SLC45A4: variants seen among roughly 807,000 people sequenced by gnomAD.
The protein encoded by SLC45A4 is solute carrier family 45 member 4.
In SLC45A4, 32 loss-of-function variants were observed where a neutral mutation model predicts 63.7. That is an observed-to-expected ratio of 0.50 (90% CI 0.38 to 0.67). The LOEUF is 0.67. Among genes scored for constraint, SLC45A4 ranks in the 30% least tolerant of loss-of-function variants. The pLI is 0.00. For missense variants in SLC45A4, 1,027 were observed against 1,157.7 expected, an observed-to-expected ratio of 0.89 and a Z score of 1.64; for synonymous variants, 535 against 510.0, an observed-to-expected ratio of 1.05 and a Z score of -0.66.
chr8:141,257,536 G>A (rs553187144), intron 1 of SLC45A4, among the ~76,000 whole-genome samples: 18 of 152,326 alleles, frequency 1.2e-4, no homozygotes, highest in Admixed American at 9.8e-4. Flanking sequence ...CCATTACAGT[G>A]TCCTCGGAGA....
chr8:141,245,178 C>T (rs1828125477), intron 2 of SLC45A4, among the ~76,000 whole-genome samples: 2 of 152,152 alleles, frequency 1.3e-5, no homozygotes, highest in South Asian at 4.1e-4. Flanking sequence ...TCATATGTGT[C>T]AACTCTGCAC....
chr8:141,223,674 C>T (rs1264256076), intron 2 of SLC45A4, among the ~76,000 whole-genome samples: 2 of 152,212 alleles, frequency 1.3e-5, no homozygotes, highest in Non-Finnish European at 2.9e-5. Flanking sequence ...TGTCCCTTTT[C>T]AAACTCCTTG....
Position 141,254,544 on chromosome 8 carries a change from T to C in SLC45A4, c.-315A>G. The C allele has an allele frequency of 1.4e-6, 1 of 702,578 alleles. No individual in the cohort carries two copies. Among genetic ancestry groups the C allele is most frequent in the Non-Finnish European group, 2.6e-6 (1 of 384,990 alleles). 43.5% of individuals were successfully genotyped at this position (702,578 alleles called of 1,614,324 possible). On this transcript the variant is annotated 5_prime_UTR_variant, in exon 2 of 9. Coordinates refer to ENST00000517878, the MANE Select transcript of SLC45A4 (RefSeq NM_001286646.2). The surrounding 1 kb of genome is among the most constrained non-coding windows in gnomAD (Gnocchi z 4.5). ...TTCATCATTATTACTGAAGAGGTGCTGAAGTGATTTTTCTTGCTACAGAGA... is the reference window on the plus strand; with the variant it reads ...TTCATCATTATTACTGAAGAGGTGCCGAAGTGATTTTTCTTGCTACAGAGA...
intron 2 of SLC45A4, chr8:141,224,896 T>A (rs1569558161): frequency 6.6e-6 from 1 of 152,280 alleles, no homozygotes; most frequent in East Asian, 1.9e-4. Context: ...ATCATTTCTG[T>A]TGACATATCA....
At chr8:141,291,000 C>A (rs1473739805) in intron 1 of SLC45A4, among the ~76,000 whole-genome samples, 1 of 152,176 alleles carries the variant, frequency 6.6e-6, no homozygotes, top group Non-Finnish European at 1.5e-5. Flanking sequence ...AGGTGCCTGC[C>A]ACCATGCCGG....
At chr8:141,246,711 A>G (rs1046211530) in intron 2 of SLC45A4, among the ~76,000 whole-genome samples, 2 of 116,286 alleles carry the variant, frequency 1.7e-5, no homozygotes, top group Admixed American at 1.8e-4. Flanking sequence ...CTCCTCCCTG[A>G]CCCCTCTGTG....
Position 141,215,645 on chromosome 8 carries a change from G to C in SLC45A4, c.1941+114C>G, listed in dbSNP as rs1826097045. The C allele has an allele frequency of 9.4e-7, 1 of 1,060,768 alleles. No homozygotes were observed. Among genetic ancestry groups the C allele is most frequent in the South Asian group, 1.4e-5 (1 of 71,106 alleles). The allele number at this position is 1,060,768 out of a possible 1,614,324, so 65.7% of individuals were successfully genotyped here. A position where few individuals can be genotyped will look rare whatever the true frequency, so the allele number is the denominator to read the frequency against. The stretch of plus-strand genomic sequence containing the variant: ...GGGCCATCTCAGAACCGGAGAGGAA[G>C]GAGGGCCATCTGTGTCGTGAACGTC... On this transcript the variant is annotated intron_variant, in intron 7 of 8. Transcript: ENST00000517878. The surrounding 1 kb of genome is among the most constrained non-coding windows in gnomAD (Gnocchi z 4.3).
At chr8:141,231,977 CA>C (rs1442429192) in intron 2 of SLC45A4, among the ~76,000 whole-genome samples, 1 of 152,256 alleles carries the variant, frequency 6.6e-6, no homozygotes, top group African/African-American at 2.4e-5. Context: ...GGCTCCAGGT[CA>C]CGTAGCACTG....
At chr8:141,217,987 C>T in intron 5 of SLC45A4, 24 bp downstream of exon 5, 2 of 248,622 alleles carry the variant, frequency 8.0e-6, no homozygotes, top group Non-Finnish European at 1.0e-5. Context: ...GAGAGCGGCC[C>T]CGCTCCGGTG....
intron 4 of SLC45A4, among the ~76,000 whole-genome samples, chr8:141,219,415 C>G (rs1826437246): frequency 6.6e-6 from 1 of 152,166 alleles, no homozygotes; most frequent in Non-Finnish European, 1.5e-5. Flanking sequence ...GCATGTCACC[C>G]TCTGCAGGCC....
intron 1 of SLC45A4, among the ~76,000 whole-genome samples, chr8:141,279,573 C>T (rs1829858203): frequency 6.6e-6 from 1 of 152,222 alleles, no homozygotes; most frequent in Non-Finnish European, 1.5e-5. Context: ...AAGTTGGGGG[C>T]TTCGAGTACA....
intron 8 of SLC45A4, chr8:141,211,947 AT>A (rs1370824622): frequency 1.6e-6 from 2 of 1,270,306 alleles, no homozygotes; most frequent in East Asian, 3.0e-5. Context: ...ATTAAAAAAA[AT>A]ATTTCAAATG....
At chr8:141,305,394 G>T (rs1399431836) in intron 1 of SLC45A4, among the ~76,000 whole-genome samples, 1 of 152,198 alleles carries the variant, frequency 6.6e-6, no homozygotes, top group African/African-American at 2.4e-5. Context: ...CCTGGCTCAG[G>T]TGGAGACAAC....
At chr8:141,277,702 C>T (rs1315973093) in intron 1 of SLC45A4, among the ~76,000 whole-genome samples, 2 of 151,674 alleles carry the variant, frequency 1.3e-5, no homozygotes, top group Admixed American at 1.3e-4. Flanking sequence ...TGCAGTGGGG[C>T]GATCTCGGCT....
At chr8:141,287,311 C>T (rs1175158640) in intron 1 of SLC45A4, among the ~76,000 whole-genome samples, 2 of 152,216 alleles carry the variant, frequency 1.3e-5, no homozygotes, top group East Asian at 1.9e-4. Context: ...CCTCTCCCGG[C>T]GGATACTAAC....
chr8:141,212,272 C>A lies in SLC45A4; in HGVS notation c.2226G>T (p.Gly742=), dbSNP rs759871749. 8.8e-6 allele frequency: 14 copies of A among 1,599,622 alleles called. No individual in the cohort carries two copies. The South Asian group carries it at 1.3e-4, about 15-fold the overall frequency. The change falls in exon 8 of 9, where the codon GGG becomes GGT. Residue 742 remains glycine, a synonymous_variant. Coordinates refer to ENST00000517878, the MANE Select transcript of SLC45A4 (RefSeq NM_001286646.2). The stretch of plus-strand genomic sequence containing the variant: ...TCAGCACGGTGGGCTTTTCGCTGTT[C>A]CCACCGGCCCTGCCTTCGCCGGCCA... ...SPLAGEGRAG[G]NSEKPTVLKL...
intron 1 of SLC45A4, among the ~76,000 whole-genome samples, chr8:141,272,671 C>T (rs968219232): frequency 2.6e-5 from 4 of 152,324 alleles, no homozygotes; most frequent in African/African-American, 9.6e-5. Flanking sequence ...CCTCACCCCC[C>T]CTACTCCTGC....
At chr8:141,270,757 C>T (rs1563663081) in intron 1 of SLC45A4, among the ~76,000 whole-genome samples, 1 of 152,146 alleles carries the variant, frequency 6.6e-6, no homozygotes, top group Non-Finnish European at 1.5e-5. Flanking sequence ...CCTGCTTTCT[C>T]AGCAGTAAAC....
In SLC45A4 at chr8:141,278,533, C is replaced by T. The variant is rs1278334495; in HGVS notation, c.-400-23904G>A. 6.6e-6 allele frequency among the ~76,000 whole-genome samples: 1 copy of T among 151,814 alleles called. No homozygotes were observed. The highest frequency in any genetic ancestry group is 1.5e-5 in the Non-Finnish European group (1 of 67,994). On this transcript the variant is annotated intron_variant, in intron 1 of 8. Coordinates refer to ENST00000517878, the MANE Select transcript of SLC45A4 (RefSeq NM_001286646.2). This position sits in a 1 kb window ranked among gnomAD's most constrained non-coding sequence, Gnocchi z 4.1. ...GGGGCGGGCGGCCGACCCACGAGGA[C>T]ACTGGTGAGACAGGGGTGAGCACCT...
Sources: allele counts gnomAD v4.1 joint callset (sites outside exome capture counted in the v4.1 genomes callset), GRCh38; gene constraint gnomAD v4.1.1; non-coding constraint Gnocchi (gnomAD v3.1); transcripts MANE v1.5; gene names NCBI Gene and HGNC (gene_info 2026-07-23, HGNC 2026-07-21).